Variants in FSTL5 observed in about 807,000 individuals in gnomAD.
FSTL5 encodes the protein follistatin like 5, also known as follistatin-related protein 5.
Under a neutral mutation model 89.1 loss-of-function variants are expected in FSTL5, and 62 were observed. That is an observed-to-expected ratio of 0.70 (90% CI 0.57 to 0.86). The LOEUF (loss-of-function observed/expected upper bound fraction) is 0.86, where lower values mean the gene tolerates loss of function less well. Ranked by LOEUF, FSTL5 falls within the 40% of genes least tolerant of loss-of-function variation. FSTL5 has a pLI of 0.00. For synonymous variants in FSTL5, 383 were observed against 346.2 expected, an observed-to-expected ratio of 1.11 and a Z score of -1.18; for missense variants, 1,057 against 1,001.6, an observed-to-expected ratio of 1.06 and a Z score of -0.75.
At chr4:161,491,061 A>G (rs962044376) in intron 12 of FSTL5, among the ~76,000 whole-genome samples, 9 of 151,918 alleles carry the variant, frequency 5.9e-5, no homozygotes, top group African/African-American at 2.2e-4. Flanking sequence ...ATAACTATAT[A>G]TTTATTATCA....
intron 6 of FSTL5, among the ~76,000 whole-genome samples, chr4:161,711,996 T>C (rs545281477): frequency 9.8e-5 from 15 of 152,294 alleles, no homozygotes; most frequent in Non-Finnish European, 1.9e-4. Context: ...AGGTCGTCTA[T>C]GAACAACCAA....
At chr4:161,428,957 T>G (rs1732259575) in intron 15 of FSTL5, among the ~76,000 whole-genome samples, 1 of 151,814 alleles carries the variant, frequency 6.6e-6, no homozygotes, top group South Asian at 2.1e-4. Context: ...GGCCCTTGGA[T>G]GACATTTAGG....
At chr4:161,409,144 T>G (rs1560880293) in intron 15 of FSTL5, among the ~76,000 whole-genome samples, 1 of 151,936 alleles carries the variant, frequency 6.6e-6, no homozygotes, top group Non-Finnish European at 1.5e-5. Flanking sequence ...AAGAAAAAAC[T>G]CTTAAAGGCA....
At chr4:161,676,303 C>G (rs61532499) in intron 6 of FSTL5, among the ~76,000 whole-genome samples, 3,068 of 152,082 alleles carry the variant, frequency 0.02, 43 homozygotes, top group South Asian at 0.045. Flanking sequence ...CACATATACA[C>G]CACGAAATAC....
intron 8 of FSTL5, among the ~76,000 whole-genome samples, chr4:161,572,195 TGTA>T (rs1245385288): frequency 6.6e-6 from 1 of 151,808 alleles, no homozygotes; most frequent in Non-Finnish European, 1.5e-5. Flanking sequence ...GACAGGCACC[TGTA>T]ATCCCAGCTA....
chr4:161,645,089 G>C (rs1286113019), intron 7 of FSTL5, among the ~76,000 whole-genome samples: 1 of 152,084 alleles, frequency 6.6e-6, no homozygotes, highest in East Asian at 1.9e-4. Context: ...AGACTCAAAA[G>C]GCAAATTGCA....
At chr4:161,916,754 T>C (rs1053037375) in intron 4 of FSTL5, among the ~76,000 whole-genome samples, 4 of 152,072 alleles carry the variant, frequency 2.6e-5, no homozygotes, top group South Asian at 4.2e-4. Flanking sequence ...TATTTAAAAG[T>C]CAATAATAAT....
intron 12 of FSTL5, among the ~76,000 whole-genome samples, chr4:161,484,198 T>G (rs1729605495): frequency 6.6e-6 from 1 of 152,166 alleles, no homozygotes; most frequent in Non-Finnish European, 1.5e-5. Flanking sequence ...CTATTAAAAA[T>G]ACTTTGCCCT....
intron 4 of FSTL5, among the ~76,000 whole-genome samples, chr4:161,847,428 A>T (rs752044892): frequency 1.1e-4 from 16 of 152,152 alleles, no homozygotes; most frequent in Non-Finnish European, 1.6e-4. Flanking sequence ...TTGGTTAAGT[A>T]ATTTGCTCAA....
intron 1 of FSTL5, among the ~76,000 whole-genome samples, chr4:162,122,184 T>C (rs1184109020): frequency 6.6e-6 from 1 of 152,052 alleles, no homozygotes; most frequent in African/African-American, 2.4e-5. Context: ...CTCAAAACTG[T>C]ACCAATTCAG....
intron 3 of FSTL5, among the ~76,000 whole-genome samples, chr4:162,014,181 A>G (rs1036219061): frequency 1.3e-5 from 2 of 152,212 alleles, no homozygotes; most frequent in Non-Finnish European, 2.9e-5. Context: ...GGTTTATCTG[A>G]ATCAAGAATT....
chr4:161,788,866 C>T (rs1244147785), intron 4 of FSTL5, among the ~76,000 whole-genome samples: 2 of 152,044 alleles, frequency 1.3e-5, no homozygotes, highest in Non-Finnish European at 2.9e-5. Flanking sequence ...CTACTGCACT[C>T]CAGCCTGAGT....
At chr4:161,893,592 T>G (rs1404279884) in intron 4 of FSTL5, among the ~76,000 whole-genome samples, 5 of 152,112 alleles carry the variant, frequency 3.3e-5, no homozygotes, top group African/African-American at 1.2e-4. Flanking sequence ...GTCATTTGCC[T>G]AGGAAAAATG....
intron 6 of FSTL5, among the ~76,000 whole-genome samples, chr4:161,712,776 C>A (rs766319656): frequency 2.7e-5 from 4 of 149,518 alleles, no homozygotes; most frequent in African/African-American, 5.1e-5. Context: ...TGACCCCTCA[C>A]CTCTCTCTCT....
chr4:161,806,295 C>A (rs1729963230), intron 4 of FSTL5, among the ~76,000 whole-genome samples: 1 of 152,094 alleles, frequency 6.6e-6, no homozygotes, highest in South Asian at 2.1e-4. Flanking sequence ...TGGATAAACA[C>A]CCTTCCCATT....
chr4:162,081,390 A>C (rs1165510645), intron 2 of FSTL5, among the ~76,000 whole-genome samples: 1 of 151,624 alleles, frequency 6.6e-6, no homozygotes, highest in African/African-American at 2.4e-5. Context: ...TTTAATTCTC[A>C]TTTATTTCTG....
chr4:162,055,347 A>T (rs1230201645), intron 2 of FSTL5, among the ~76,000 whole-genome samples: 1 of 151,702 alleles, frequency 6.6e-6, no homozygotes, highest in African/African-American at 2.4e-5. Context: ...ATTTAATACA[A>T]CTCTAAATAA....
At chr4:161,812,806 A>C (rs1730196364) in intron 4 of FSTL5, among the ~76,000 whole-genome samples, 1 of 137,290 alleles carries the variant, frequency 7.3e-6, no homozygotes, top group Non-Finnish European at 1.5e-5. Flanking sequence ...TTAGGTATTT[A>C]TTGACTGACA....
At chr4:161,729,845 C>A (rs1739546206) in intron 6 of FSTL5, among the ~76,000 whole-genome samples, 1 of 152,138 alleles carries the variant, frequency 6.6e-6, no homozygotes, top group South Asian at 2.1e-4. Flanking sequence ...ATTGTATGCT[C>A]TTCTGTACTT....
Sources: gnomAD v4.1 joint callset for allele counts (sites outside exome capture counted in the v4.1 genomes callset) on GRCh38, gnomAD v4.1.1 for gene constraint, MANE v1.5 for transcripts, NCBI Gene and HGNC (gene_info 2026-07-23, HGNC 2026-07-21) for gene names.